The following PPP1R12B variants were observed in gnomAD, a reference collection of about 807,000 sequenced individuals.
PPP1R12B encodes myosin phosphatase target subunit 2.
Under a neutral mutation model 126.1 loss-of-function variants are expected in PPP1R12B, and 76 were observed. The ratio of observed to expected loss-of-function variants is 0.60; its 90% confidence interval spans 0.50 to 0.73. The LOEUF (loss-of-function observed/expected upper bound fraction) is 0.73. PPP1R12B is among the 30% of genes least tolerant of loss of function. PPP1R12B has a pLI of 0.00. For missense variants in PPP1R12B, 1,052 were observed against 1,205.1 expected (o/e 0.87, Z 1.88); for synonymous variants, 356 against 434.7 (o/e 0.82, Z 2.25).
chr1:202,538,934 G>A (rs1291215081), intron 18 of PPP1R12B, among the ~76,000 whole-genome samples: 2 of 151,700 alleles, frequency 1.3e-5, no homozygotes, highest in African/African-American at 4.8e-5. Context: ...TCATTTTCCC[G>A]ATTGTGGCAT....
At chr1:202,355,686 A>G (rs1656944587) in intron 1 of PPP1R12B, among the ~76,000 whole-genome samples, 2 of 152,120 alleles carry the variant, frequency 1.3e-5, no homozygotes, top group Admixed American at 1.3e-4. Context: ...GTATTTTAGG[A>G]TTCTGAAGCA....
intron 18 of PPP1R12B, among the ~76,000 whole-genome samples, chr1:202,537,911 G>A (rs546345767): frequency 6.6e-6 from 1 of 152,328 alleles, no homozygotes; most frequent in East Asian, 1.9e-4. Context: ...TATCAGATGA[G>A]ATTAGCTATA....
chr1:202,399,893 G>T (rs189958284), intron 1 of PPP1R12B, among the ~76,000 whole-genome samples: 48 of 152,164 alleles, frequency 3.2e-4, no homozygotes, highest in African/African-American at 1.1e-3. Flanking sequence ...GTACAAGTTT[G>T]TTAATGGGTA....
rs372191148 is a variant in PPP1R12B at position 202,350,687 on chromosome 1, C to T, written c.291+1545C>T. 4.0e-5 allele frequency among the ~76,000 whole-genome samples: 6 copies of T among 150,968 alleles called. No homozygotes were observed. The South Asian group carries it at 6.3e-4, about 16-fold the overall frequency. ...CCAGGCTGGAGTGCAATGGCGAGATCTTGGCTCACTGCAACCTCTGCCTCT... is the reference window on the plus strand; with the variant it reads ...CCAGGCTGGAGTGCAATGGCGAGATTTTGGCTCACTGCAACCTCTGCCTCT... On this transcript the variant is annotated intron_variant, in intron 1 of 23. Coordinates refer to ENST00000608999, the MANE Select transcript of PPP1R12B (RefSeq NM_002481.4).
chr1:202,540,329 A>G, intron 18 of PPP1R12B: 3 of 1,121,728 alleles, frequency 2.7e-6, no homozygotes, highest in Non-Finnish European at 2.5e-6. Flanking sequence ...TTAGGTTTAG[A>G]GCAAAGGGAT....
intron 1 of PPP1R12B, among the ~76,000 whole-genome samples, chr1:202,411,793 G>C (rs1667431439): frequency 6.6e-6 from 1 of 152,154 alleles, no homozygotes; most frequent in African/African-American, 2.4e-5. Context: ...CACATCAGCA[G>C]AGCTGGTTTG....
At chr1:202,435,015 T>C (rs1173777703) in intron 9 of PPP1R12B, among the ~76,000 whole-genome samples, 1 of 152,130 alleles carries the variant, frequency 6.6e-6, no homozygotes, top group Non-Finnish European at 1.5e-5. Context: ...AGGGCCCTCT[T>C]TCTTGACGTG....
intron 18 of PPP1R12B, among the ~76,000 whole-genome samples, chr1:202,516,935 T>G (rs1226830355): frequency 6.6e-6 from 1 of 152,210 alleles, no homozygotes; most frequent in East Asian, 1.9e-4. Flanking sequence ...GATTGTCAGT[T>G]TTCATCAGGT....
At position 202,485,069 on chromosome 1, in the gene PPP1R12B, TA is replaced by T. The variant is rs771524174; in HGVS notation, c.1851-3463del. On this transcript the variant is annotated intron_variant, in intron 13 of 23. Coordinates refer to ENST00000608999, the MANE Select transcript of PPP1R12B (RefSeq NM_002481.4). ...TTGTTGGGCTGGATGTGGGTGTGCA[TA>T]GGTTCAGCTGGCCAGCTAGCTGTGC... Among the ~76,000 whole-genome samples the T allele has an allele frequency of 1.4e-3, 212 of 152,180 alleles. 2 individuals are homozygous for T. Among genetic ancestry groups the T allele is most frequent in the Non-Finnish European group, 1.7e-3 (114 of 67,996 alleles).
At chr1:202,351,520 T>C (rs774362141) in intron 1 of PPP1R12B, among the ~76,000 whole-genome samples, 25 of 152,200 alleles carry the variant, frequency 1.6e-4, no homozygotes, top group Non-Finnish European at 2.9e-4. Context: ...ATTACAGGCA[T>C]GAGCCACCGC....
chr1:202,555,350 A>AAAAAAAAAAAAAAAC (rs1686798450), intron 18 of PPP1R12B, among the ~76,000 whole-genome samples: 1 of 144,826 alleles, frequency 6.9e-6, no homozygotes, highest in Non-Finnish European at 1.5e-5. Flanking sequence ...AAAAAAAAAA[A>AAAAAAAAAAAAAAAC]AAAGCTTGTT....
chr1:202,382,423 A>T (rs1360834654), intron 1 of PPP1R12B, among the ~76,000 whole-genome samples: 4 of 147,088 alleles, frequency 2.7e-5, no homozygotes, highest in Non-Finnish European at 4.4e-5. Context: ...AAAGTATAAT[A>T]AAAAAAATAT....
At chr1:202,500,005 C>G (rs542612104) in intron 18 of PPP1R12B, among the ~76,000 whole-genome samples, 2 of 152,288 alleles carry the variant, frequency 1.3e-5, no homozygotes, top group East Asian at 3.9e-4. Context: ...AAAAGAAACT[C>G]TTAATACGCT....
At chr1:202,353,629 TGA>T (rs1656473083) in intron 1 of PPP1R12B, among the ~76,000 whole-genome samples, 1 of 138,166 alleles carries the variant, frequency 7.2e-6, no homozygotes, top group Non-Finnish European at 1.6e-5. Context: ...TGTGTGTGTG[TGA>T]CAGGGTCTTG....
At chr1:202,365,242 G>A (rs918827019) in intron 1 of PPP1R12B, among the ~76,000 whole-genome samples, 1 of 151,984 alleles carries the variant, frequency 6.6e-6, no homozygotes, top group Non-Finnish European at 1.5e-5. Context: ...TTGAGGCCAG[G>A]AGTTTGAGAC....
At chr1:202,516,451 A>C (rs1158471424) in intron 18 of PPP1R12B, among the ~76,000 whole-genome samples, 2 of 152,136 alleles carry the variant, frequency 1.3e-5, no homozygotes, top group Non-Finnish European at 2.9e-5. Context: ...CAGTAAGGAG[A>C]TGTTGCTGAC....
chr1:202,354,475 G>A (rs1033050539), intron 1 of PPP1R12B, among the ~76,000 whole-genome samples: 3 of 152,112 alleles, frequency 2.0e-5, no homozygotes, highest in Non-Finnish European at 2.9e-5. Flanking sequence ...AGGCTGAGGC[G>A]GGAGGATAGC....
At chr1:202,573,639 G>C (rs1273964889) in intron 23 of PPP1R12B, among the ~76,000 whole-genome samples, 1 of 152,192 alleles carries the variant, frequency 6.6e-6, no homozygotes, top group Non-Finnish European at 1.5e-5. Context: ...GGGCAGTGCA[G>C]ATGACTACTT....
At chr1:202,443,394 G>A (rs1671864608) in intron 12 of PPP1R12B, among the ~76,000 whole-genome samples, 1 of 152,168 alleles carries the variant, frequency 6.6e-6, no homozygotes, top group East Asian at 1.9e-4. Flanking sequence ...TTAGAAACAG[G>A]CCCTGGCCTA....
Sources: allele counts gnomAD v4.1 joint callset (sites outside exome capture counted in the v4.1 genomes callset), GRCh38; gene constraint gnomAD v4.1.1; transcripts MANE v1.5; gene names NCBI Gene and HGNC (gene_info 2026-07-23, HGNC 2026-07-21).